The following TMEM25 variants were observed in gnomAD, a reference collection of about 807,000 sequenced individuals.
TMEM25 encodes transmembrane protein 25, also known as 0610039J01Rik.
In TMEM25, 36 loss-of-function variants were observed where a neutral mutation model predicts 37.0. That is an observed-to-expected ratio of 0.97 (90% confidence interval 0.75 to 1.28). TMEM25 has a LOEUF of 1.28. TMEM25 is among the 50% of genes most tolerant of loss of function. The pLI, the probability that TMEM25 is intolerant of heterozygous loss-of-function variation, is 0.00. For missense variants in TMEM25, 444 were observed against 477.9 expected, an observed-to-expected ratio of 0.93 and a Z score of 0.66; for synonymous variants, 197 against 203.7, an observed-to-expected ratio of 0.97 and a Z score of 0.28.
At chr11:118,545,900 G>C (rs1417767580) in intron 8 of TMEM25, 1 of 1,531,644 alleles carries the variant, frequency 6.5e-7, no homozygotes, top group Non-Finnish European at 9.0e-7. Flanking sequence ...GGTGTCAGTG[G>C]TCCCAGAACC....
At position 118,532,166 on chromosome 11, in the gene TMEM25, G is replaced by T; in HGVS notation, c.87G>T (p.Glu29Asp). The change falls in exon 3 of 9, where the codon GAG (glutamate) becomes GAT (aspartate). Residue 29 changes from glutamate to aspartate, a missense_variant. Coordinates refer to ENST00000313236, the MANE Select transcript of TMEM25 (RefSeq NM_032780.4). ...ALLSSGWGEL[E>D]PQIDGQTWAE... The stretch of plus-strand genomic sequence containing the variant: ...GTGTTCCAGGTTGGGGGGAGTTGGA[G>T]CCACAAATAGATGGTCAGACCTGGG... The T allele has an allele frequency of 6.4e-7, 1 of 1,571,540 alleles. No homozygotes were observed. Among genetic ancestry groups the T allele is most frequent in the Non-Finnish European group, 8.6e-7 (1 of 1,157,076 alleles).
Position 118,534,204 on chromosome 11 carries a change from G to C in TMEM25, c.938-62G>C. Reference sequence around the variant, plus strand: ...TCTGAGAAAAAGAACTTGGTGCTTGGGAGGGGCGAGGCCTCATCAGGCACA... The same window carrying C: ...TCTGAGAAAAAGAACTTGGTGCTTGCGAGGGGCGAGGCCTCATCAGGCACA... On this transcript the variant is annotated intron_variant, in intron 7 of 8. Coordinates refer to ENST00000313236, the MANE Select transcript of TMEM25 (RefSeq NM_032780.4). This position sits in a 1 kb window ranked among gnomAD's most constrained non-coding sequence, Gnocchi z 4.6. 6.2e-7 allele frequency: 1 copy of C among 1,613,324 alleles called. No individual in the cohort carries two copies. The highest frequency in any genetic ancestry group is 1.1e-5 in the South Asian group (1 of 91,026).
At chr11:118,542,432 G>C (rs1262708427) in intron 8 of TMEM25, among the ~76,000 whole-genome samples, 1 of 152,172 alleles carries the variant, frequency 6.6e-6, no homozygotes, top group Non-Finnish European at 1.5e-5. Context: ...ATTTCAACAT[G>C]AGTTTTGGAG....
Position 118,532,392 on chromosome 11 carries a change from C to T in TMEM25, c.313C>T (p.Leu105Phe). ...CACTGCCCATCGGGCCCAGCATGAG[C>T]TCAACTGCTCTCTGCAGGACCCCAG... ...TVTAHRAQHE[L>F]NCSLQDPRSG... The change falls in exon 3 of 9, where the codon CTC (leucine) becomes TTC (phenylalanine). Residue 105 changes from leucine (L) to phenylalanine (F), a missense_variant. Transcript: ENST00000313236. 1 of 1,614,202 alleles carries T rather than the reference C, an allele frequency of 6.2e-7. No individual in the cohort carries two copies. Among genetic ancestry groups the T allele is most frequent in the Non-Finnish European group, 8.5e-7 (1 of 1,180,016 alleles).
chr11:118,546,338 A>G, exon 9 of TMEM25: 1 of 583,138 alleles, frequency 1.7e-6, no homozygotes. Flanking sequence ...TCTCTACAAA[A>G]AAATTAGCCG....
chr11:118,541,039 C>T (rs1209105358), intron 8 of TMEM25, among the ~76,000 whole-genome samples: 1 of 152,120 alleles, frequency 6.6e-6, no homozygotes, highest in African/African-American at 2.4e-5. Context: ...GATAGATGCA[C>T]AACTTTGTGA....
downstream of TMEM25, among the ~76,000 whole-genome samples, chr11:118,539,185 T>TC (rs1179824231): frequency 1.3e-5 from 2 of 149,630 alleles, no homozygotes; most frequent in African/African-American, 4.9e-5. Context: ...TTTTTTTTTT[T>TC]TGAGACGGAG....
downstream of TMEM25, among the ~76,000 whole-genome samples, chr11:118,536,924 G>A (rs1254587824): frequency 6.6e-6 from 1 of 152,188 alleles, no homozygotes; most frequent in East Asian, 1.9e-4. Context: ...ACTCAGGCTG[G>A]AGTGCAGTGG....
intron 5 of TMEM25, 140 bp from the exon 6 acceptor site, chr11:118,533,717 G>A: frequency 6.4e-7 from 1 of 1,567,304 alleles, no homozygotes; most frequent in African/African-American, 1.4e-5. Context: ...GTCAAGCACT[G>A]GGAACCCAGT....
Position 118,534,379 on chromosome 11 carries a change from C to T in TMEM25, c.1027+24C>T. The T allele has an allele frequency of 6.2e-7, 1 of 1,612,552 alleles. No homozygotes were observed. The highest frequency in any genetic ancestry group is 8.5e-7 in the Non-Finnish European group (1 of 1,179,344). On this transcript the variant is annotated intron_variant, in intron 8 of 8. Coordinates refer to ENST00000313236, the MANE Select transcript of TMEM25 (RefSeq NM_032780.4). This position sits in a 1 kb window ranked among gnomAD's most constrained non-coding sequence, Gnocchi z 4.6. ...AGGTACTGGGGAAGGGGCCTGCCACCCTCCTCCTCTGCCCCCCAGCCCTGT... is the reference window on the plus strand; with the variant it reads ...AGGTACTGGGGAAGGGGCCTGCCACTCTCCTCCTCTGCCCCCCAGCCCTGT...
In TMEM25 at chr11:118,534,534, A is replaced by G. The variant is rs200696399; in HGVS notation, c.1055A>G (p.Tyr352Cys). The G allele has an allele frequency of 7.4e-6, 12 of 1,614,016 alleles. No homozygotes were observed. The Admixed American group carries it at 1.0e-4, about 13-fold the overall frequency. The change falls in exon 9 of 9, where the codon TAT becomes TGT. Residue 352 changes from tyrosine (Y) to cysteine (C), a missense_variant. By Grantham distance (194) the Tyr-to-Cys change is radical. Coordinates refer to ENST00000313236, the MANE Select transcript of TMEM25 (RefSeq NM_032780.4). This position sits in a 1 kb window ranked among gnomAD's most constrained non-coding sequence, Gnocchi z 4.6. The stretch of plus-strand genomic sequence containing the variant: ...TTCATCCGCCTCCCAGTGCTGGGCT[A>G]TATCTATCGAGTGTCCAGCGTGAGC... ...QGFIRLPVLG[Y>C]IYRVSSVSSD...
rs782321954 is a variant in TMEM25, at chr11:118,532,285, G to C, written c.206G>C (p.Gly69Ala). Residue 69 changes from glycine to alanine, a missense_variant, in exon 3 of 9, where the codon GGA (glycine) becomes GCA (alanine). Transcript: ENST00000313236. ...CCCAGATTGGCCTGGTATCTGGATG[G>C]ACAGCTGCAGGAGGCCAGCACCTCA... The part of the protein sequence containing the change: ...GTPRLAWYLD[G>A]QLQEASTSRL... 6.8e-6 allele frequency: 11 copies of C among 1,614,178 alleles called. No homozygotes were observed. The highest frequency in any genetic ancestry group is 9.3e-6 in the Non-Finnish European group (11 of 1,180,014).
chr11:118,534,487 G>A lies in TMEM25; in HGVS notation c.1028-20G>A, dbSNP rs782666912. 5 of 1,613,928 alleles carry A rather than the reference G, an allele frequency of 3.1e-6. No homozygotes were observed. The highest frequency in any genetic ancestry group is 1.1e-5 in the South Asian group (1 of 91,062). On this transcript the variant is annotated intron_variant, in intron 8 of 8. Transcript: ENST00000313236. The surrounding 1 kb of genome is among the most constrained non-coding windows in gnomAD (Gnocchi z 4.6). ...GGAACAAGCGTTACTGAGTCCCCGC[G>A]GGCTTCTTTGATCCCGCAGGTTTCA...
downstream of TMEM25, among the ~76,000 whole-genome samples, chr11:118,536,332 T>A (rs1266276410): frequency 6.6e-6 from 1 of 152,054 alleles, no homozygotes; most frequent in Non-Finnish European, 1.5e-5. Flanking sequence ...TAGCTGGGAT[T>A]ACAGGCATGC....
In TMEM25 at chr11:118,531,253, G is replaced by GGGGGGC. The variant is rs782637589; in HGVS notation, c.-28+29_-28+34dup. ...GAGCCAGGTGAGCCGCCCCGGTGGCGGGGGGCGGGGGCGGGATGCTCGGCG... is the reference window on the plus strand; with the variant it reads ...GAGCCAGGTGAGCCGCCCCGGTGGCGGGGGGCGGGGGCGGGGGCGGGATGCTCGGCG... On this transcript the variant is annotated intron_variant, in intron 1 of 8. Coordinates refer to ENST00000313236, the MANE Select transcript of TMEM25 (RefSeq NM_032780.4). 835 of 382,316 alleles carry GGGGGGC rather than the reference G, an allele frequency of 2.2e-3. 3 individuals carry two copies. Among genetic ancestry groups the GGGGGGC allele is most frequent in the Non-Finnish European group, 3.5e-3 (720 of 208,532 alleles). The allele number at this position is 382,316 out of a possible 1,614,324, so 23.7% of individuals were successfully genotyped here.
At position 118,533,695 on chromosome 11, in the gene TMEM25, C is replaced by A. The variant is rs1263968652; in HGVS notation, c.805+144C>A. The A allele has an allele frequency of 3.8e-6, 6 of 1,566,662 alleles. No individual in the cohort carries two copies. In the Admixed American group the frequency reaches 8.5e-5, roughly 22 times the overall value. ...GGCCATGGGTACGGTGACATGCATCCCAGGTAGCAGGGTCAAGCACTGGGA... is the reference window on the plus strand; with the variant it reads ...GGCCATGGGTACGGTGACATGCATCACAGGTAGCAGGGTCAAGCACTGGGA... On this transcript the variant is annotated intron_variant, in intron 5 of 8. Transcript: ENST00000313236.
chr11:118,540,946 G>A (rs1308707130), intron 8 of TMEM25, among the ~76,000 whole-genome samples: 2 of 152,100 alleles, frequency 1.3e-5, no homozygotes, highest in Admixed American at 1.3e-4. Flanking sequence ...GCCAGGGTCT[G>A]GGGGGAGGGC....
rs75184401 is a variant in TMEM25, at chr11:118,532,992, C to T, written c.458C>T (p.Ala153Val). The T allele has an allele frequency of 4.3e-6, 7 of 1,614,254 alleles. No homozygotes were observed. In the South Asian group the frequency reaches 5.5e-5, roughly 13 times the overall value. The change falls in exon 4 of 9, where the codon GCC becomes GTC. Residue 153 changes from alanine (A) to valine (V), a missense_variant. Physicochemically the swap from Ala to Val is moderately conservative, Grantham distance 64. Coordinates refer to ENST00000313236, the MANE Select transcript of TMEM25 (RefSeq NM_032780.4). Reference sequence around the variant, plus strand: ...CCAGGCCTCCTGGTTGTCCTGTTTGCCCTGGTGCGTGCCAACCCGCCGGCC... The same window carrying T: ...CCAGGCCTCCTGGTTGTCCTGTTTGTCCTGGTGCGTGCCAACCCGCCGGCC... The part of the protein sequence containing the change: ...QGPGLLVVLF[A>V]LVRANPPANV...
chr11:118,537,028 T>C (rs1951519214), downstream of TMEM25, among the ~76,000 whole-genome samples: 1 of 151,958 alleles, frequency 6.6e-6, no homozygotes, highest in Non-Finnish European at 1.5e-5. Context: ...GTGTGTGCCA[T>C]TGTGCTCAGC....
Sources: gnomAD v4.1 joint callset for allele counts (sites outside exome capture counted in the v4.1 genomes callset) on GRCh38, gnomAD v4.1.1 for gene constraint, Gnocchi (gnomAD v3.1) non-coding constraint, MANE v1.5 for transcripts, NCBI Gene and HGNC (gene_info 2026-07-23, HGNC 2026-07-21) for gene names.